PARD3B: variants seen among roughly 807,000 people sequenced by gnomAD.
The protein encoded by PARD3B is partitioning defective 3 homolog B.
A neutral mutation model predicts 130.2 loss-of-function variants in PARD3B; 103 were observed. The observed-to-expected ratio is 0.79, with a 90% CI of 0.67 to 0.93. The LOEUF (loss-of-function observed/expected upper bound fraction) is 0.93, where lower values mean the gene tolerates loss of function less well. PARD3B is among the 40% of genes least tolerant of loss of function. PARD3B has a pLI of 0.00. For missense variants in PARD3B, 1,609 were observed against 1,499.2 expected, an observed-to-expected ratio of 1.07 and a Z score of -1.21; for synonymous variants, 583 against 553.2, an observed-to-expected ratio of 1.05 and a Z score of -0.76.
At chr2:205,184,062 A>AT (rs2035955209) in intron 13 of PARD3B, among the ~76,000 whole-genome samples, 1 of 152,104 alleles carries the variant, frequency 6.6e-6, no homozygotes, top group African/African-American at 2.4e-5. Flanking sequence ...GAGAGAGGCA[A>AT]TCTTTTTTGT....
intron 20 of PARD3B, among the ~76,000 whole-genome samples, chr2:205,451,219 A>G (rs1419325130): frequency 6.6e-6 from 1 of 152,108 alleles, no homozygotes; most frequent in Non-Finnish European, 1.5e-5. Context: ...TTTCATGTCC[A>G]CCTTCCAGGG....
intron 18 of PARD3B, among the ~76,000 whole-genome samples, chr2:205,333,026 T>C (rs1241296788): frequency 6.6e-6 from 1 of 152,186 alleles, no homozygotes. Context: ...TAGAAATGAA[T>C]AATAGTTAAC....
rs1575549140 is a variant in PARD3B, at chr2:205,010,257, A to G, written c.395-37324A>G. ...TTTAAAATTTCCCACAGAAATACCA[A>G]CATGTCCACAATATAGTCAAGCATG... On this transcript the variant is annotated intron_variant, in intron 3 of 22. Coordinates refer to ENST00000406610, the MANE Select transcript of PARD3B (RefSeq NM_001302769.2). Among the ~76,000 whole-genome samples the G allele has an allele frequency of 6.6e-5, 10 of 152,178 alleles. No homozygotes were observed. The South Asian group carries it at 2.1e-3, about 32-fold the overall frequency.
In PARD3B at chr2:205,470,588, T is replaced by G. The variant is rs1254682741; in HGVS notation, c.3045-29308T>G. 6.6e-6 allele frequency among the ~76,000 whole-genome samples: 1 copy of G among 152,178 alleles called. No individual in the cohort carries two copies. The highest frequency in any genetic ancestry group is 1.5e-5 in the Non-Finnish European group (1 of 68,036). On this transcript the variant is annotated intron_variant, in intron 20 of 22. Coordinates refer to ENST00000406610, the MANE Select transcript of PARD3B (RefSeq NM_001302769.2). The surrounding 1 kb of genome is among the most constrained non-coding windows in gnomAD (Gnocchi z 4.8). Reference sequence around the variant, plus strand: ...ATAATGAGAATTTAAGTTATAAGATTTGTAAGGATCATGGAATAAAGGCAT... The same window carrying G: ...ATAATGAGAATTTAAGTTATAAGATGTGTAAGGATCATGGAATAAAGGCAT...
At chr2:205,245,872 G>T (rs1559582121) in intron 16 of PARD3B, 50 bp downstream of exon 16, 2 of 1,489,456 alleles carry the variant, frequency 1.3e-6, no homozygotes, top group Non-Finnish European at 1.9e-6. Flanking sequence ...GAAATCACTG[G>T]CTGTGTTTTA....
chr2:205,308,246 G>A lies in PARD3B; in HGVS notation c.2630+6545G>A, dbSNP rs370867538. Among the ~76,000 whole-genome samples the A allele has an allele frequency of 9.2e-5, 14 of 152,240 alleles. No homozygotes were observed. The East Asian group carries it at 9.6e-4, about 10-fold the overall frequency. The stretch of plus-strand genomic sequence containing the variant: ...ACAGCAACCAAGTCCTGCTTTAACA[G>A]CACTTTTCCTGTCTTAATAAAGGAA... On this transcript the variant is annotated intron_variant, in intron 18 of 22. Transcript: ENST00000406610.
chr2:205,134,037 C>T (rs1229098837), intron 10 of PARD3B, among the ~76,000 whole-genome samples: 1 of 152,152 alleles, frequency 6.6e-6, no homozygotes, highest in African/African-American at 2.4e-5. Context: ...GTTCCATTGA[C>T]CCCATTACAT....
intron 1 of PARD3B, among the ~76,000 whole-genome samples, chr2:204,639,422 T>G (rs1167252943): frequency 6.6e-6 from 1 of 152,158 alleles, no homozygotes; most frequent in Non-Finnish European, 1.5e-5. Flanking sequence ...TACTTCTATA[T>G]AAACAGGTGA....
At chr2:204,812,888 C>G (rs1419743459) in intron 2 of PARD3B, among the ~76,000 whole-genome samples, 1 of 152,114 alleles carries the variant, frequency 6.6e-6, no homozygotes, top group Non-Finnish European at 1.5e-5. Flanking sequence ...TGATGGTCAC[C>G]TAGCATTTCT....
chr2:205,431,967 A>G (rs1011341870), intron 19 of PARD3B, among the ~76,000 whole-genome samples: 1 of 152,156 alleles, frequency 6.6e-6, no homozygotes, highest in Non-Finnish European at 1.5e-5. Flanking sequence ...ACTTCTGTAC[A>G]TTATGAGAAC....
At position 204,606,424 on chromosome 2, in the gene PARD3B, G is replaced by A. The variant is rs1012217792; in HGVS notation, c.120+60305G>A. Among the ~76,000 whole-genome samples the A allele has an allele frequency of 1.3e-5, 2 of 152,102 alleles. No individual in the cohort carries two copies. Among genetic ancestry groups the A allele is most frequent in the Admixed American group, 6.6e-5 (1 of 15,250 alleles). On this transcript the variant is annotated intron_variant, in intron 1 of 22. Coordinates refer to ENST00000406610, the MANE Select transcript of PARD3B (RefSeq NM_001302769.2). This position sits in a 1 kb window ranked among gnomAD's most constrained non-coding sequence, Gnocchi z 4.0. ...TTGACTGTATCAGTCAGGGTCCCTG[G>A]CTGATGAAGGCTCCATCTTAAACAT...
At chr2:204,791,117 A>C (rs2042186366) in intron 2 of PARD3B, among the ~76,000 whole-genome samples, 1 of 9,378 alleles carries the variant, frequency 1.1e-4, no homozygotes, top group African/African-American at 2.1e-4. Flanking sequence ...AAAAATAAAA[A>C]AAGGATAAAA....
chr2:204,963,907 T>G (rs1262580015), intron 2 of PARD3B, among the ~76,000 whole-genome samples: 1 of 152,230 alleles, frequency 6.6e-6, no homozygotes, highest in Non-Finnish European at 1.5e-5. Context: ...AAATGAGTAG[T>G]CAGTTATGAA....
intron 19 of PARD3B, among the ~76,000 whole-genome samples, chr2:205,436,039 T>TGAGG (rs2047502507): frequency 6.6e-6 from 1 of 152,200 alleles, no homozygotes. Context: ...CAGTGTCTGG[T>TGAGG]GAGGCCCTGT....
intron 4 of PARD3B, among the ~76,000 whole-genome samples, chr2:205,103,353 A>G (rs1310747931): frequency 7.8e-6 from 1 of 128,500 alleles, no homozygotes; most frequent in African/African-American, 2.6e-5. Flanking sequence ...ATGTAAAATA[A>G]ATATATTTTT....
intron 10 of PARD3B, among the ~76,000 whole-genome samples, chr2:205,134,981 C>T (rs909901552): frequency 2.0e-5 from 3 of 151,422 alleles, no homozygotes; most frequent in Non-Finnish European, 4.4e-5. Context: ...GGCCTAAATA[C>T]GTTGTCTTGC....
At chr2:205,002,692 A>G (rs1235736067) in intron 3 of PARD3B, among the ~76,000 whole-genome samples, 1 of 152,066 alleles carries the variant, frequency 6.6e-6, no homozygotes, top group Non-Finnish European at 1.5e-5. Context: ...ACTTGCAACA[A>G]GAGTCCCTCT....
intron 1 of PARD3B, among the ~76,000 whole-genome samples, chr2:204,552,647 C>A (rs1390287845): frequency 6.6e-6 from 1 of 152,100 alleles, no homozygotes; most frequent in Non-Finnish European, 1.5e-5. Context: ...GATTTAAATC[C>A]TTGATCCACT....
In PARD3B at chr2:205,276,553, G is replaced by C. The variant is rs531863391; in HGVS notation, c.2186-23977G>C. Among the ~76,000 whole-genome samples the C allele has an allele frequency of 6.6e-6, 1 of 152,130 alleles. No individual in the cohort carries two copies. Among genetic ancestry groups the C allele is most frequent in the African/African-American group, 2.4e-5 (1 of 41,438 alleles). On this transcript the variant is annotated intron_variant, in intron 16 of 22. Coordinates refer to ENST00000406610, the MANE Select transcript of PARD3B (RefSeq NM_001302769.2). The surrounding 1 kb of genome is among the most constrained non-coding windows in gnomAD (Gnocchi z 5.0). ...GGAGCTAGGCGGGGCCTTCGGGAGC[G>C]GGAGCAGCACCCACCATCTCACAAA...
Sources: gnomAD v4.1 joint callset for allele counts (sites outside exome capture counted in the v4.1 genomes callset) on GRCh38, gnomAD v4.1.1 for gene constraint, Gnocchi (gnomAD v3.1) non-coding constraint, MANE v1.5 for transcripts, NCBI Gene and HGNC (gene_info 2026-07-23, HGNC 2026-07-21) for gene names.